The following HIPK2 variants were observed in gnomAD, a reference collection of about 807,000 sequenced individuals.
HIPK2 encodes the protein homeodomain-interacting protein kinase 2.
In HIPK2, 27 loss-of-function variants were observed where a neutral mutation model predicts 113.7. The observed-to-expected ratio is 0.24, with a 90% CI of 0.17 to 0.33. The LOEUF (loss-of-function observed/expected upper bound fraction) is 0.33. HIPK2 is among the 10% of genes least tolerant of loss of function. HIPK2 has a pLI of 1.00. For synonymous variants in HIPK2, 631 were observed against 642.2 expected, an observed-to-expected ratio of 0.98 and a Z score of 0.26; for missense variants, 1,257 against 1,588.0, an observed-to-expected ratio of 0.79 and a Z score of 3.54.
chr7:139,694,072 ATCATC>A, intron 2 of HIPK2, among the ~76,000 whole-genome samples: 1 of 152,222 alleles, frequency 6.6e-6, no homozygotes, highest in East Asian at 1.9e-4. Flanking sequence ...TATTCAATAA[ATCATC>A]AAGAAAGGTT....
In HIPK2 at chr7:139,670,744, TTTCTTTCTTTC is replaced by T. The variant is rs746924980; in HGVS notation, c.1104-39030_1104-39020del. ...TATTTCTTTTTCTTTTCTTTCTTTC[TTTCTTTCTTTC>T]TTTCTTTTTTTTTTTTTTTTTTTTT... is the stretch of plus-strand genomic sequence containing the variant. On this transcript the variant is annotated intron_variant, in intron 2 of 14. Coordinates refer to ENST00000406875, the MANE Select transcript of HIPK2 (RefSeq NM_022740.5). Among the ~76,000 whole-genome samples the T allele has an allele frequency of 3.3e-3, 243 of 73,826 alleles. 5 individuals carry two copies. Among genetic ancestry groups the T allele is most frequent in the East Asian group, 0.013 (24 of 1,880 alleles). 48.4% of individuals were successfully genotyped at this position (73,826 alleles called of 152,430 possible).
intron 2 of HIPK2, among the ~76,000 whole-genome samples, chr7:139,671,606 C>CA (rs1347224330): frequency 2.0e-5 from 3 of 152,118 alleles, no homozygotes; most frequent in African/African-American, 7.2e-5. Flanking sequence ...GGCTAGAGTG[C>CA]AATGGCATGA....
At chr7:139,723,990 T>C (rs928675364) in intron 1 of HIPK2, among the ~76,000 whole-genome samples, 1 of 151,518 alleles carries the variant, frequency 6.6e-6, no homozygotes, top group Non-Finnish European at 1.5e-5. Context: ...GAGTACTTAA[T>C]AGATGCTACA....
intron 1 of HIPK2, among the ~76,000 whole-genome samples, chr7:139,775,419 C>T (rs1585473753): frequency 6.6e-6 from 1 of 152,262 alleles, no homozygotes; most frequent in Non-Finnish European, 1.5e-5. Context: ...TTCAAAAACA[C>T]CCAGATCTGG....
At chr7:139,648,126 G>A (rs966219850) in intron 2 of HIPK2, among the ~76,000 whole-genome samples, 3 of 152,232 alleles carry the variant, frequency 2.0e-5, no homozygotes, top group African/African-American at 4.8e-5. Context: ...CCCCCAGTCT[G>A]AAAGGCTCTG....
At chr7:139,762,482 C>A (rs896762341) in intron 1 of HIPK2, among the ~76,000 whole-genome samples, 5 of 152,204 alleles carry the variant, frequency 3.3e-5, no homozygotes, top group Non-Finnish European at 7.3e-5. Context: ...ACTCAAGTCC[C>A]AGGGAGAAAA....
At position 139,613,159 on chromosome 7, in the gene HIPK2, C is replaced by G; in HGVS notation, c.2112+43G>C. Reference sequence around the variant, plus strand: ...ATATCTTTTGTGAACAACATTAACACAGGTAATGGTAATACCAGTAATAAT... The same window carrying G: ...ATATCTTTTGTGAACAACATTAACAGAGGTAATGGTAATACCAGTAATAAT... On this transcript the variant is annotated intron_variant, in intron 9 of 14. Transcript: ENST00000406875. The surrounding 1 kb of genome is among the most constrained non-coding windows in gnomAD (Gnocchi z 4.2). 6.2e-7 allele frequency: 1 copy of G among 1,609,532 alleles called. No individual in the cohort carries two copies. Among genetic ancestry groups the G allele is most frequent in the Non-Finnish European group, 8.5e-7 (1 of 1,177,438 alleles).
rs185926912 is a variant in HIPK2 at position 139,717,477 on chromosome 7, G to A, written c.20-462C>T. Among the ~76,000 whole-genome samples, 163 of 152,242 alleles carry A rather than the reference G, an allele frequency of 1.1e-3. 2 individuals are homozygous for A. In the East Asian group the frequency reaches 0.023, roughly 22 times the overall value. ...TTTGAGAAAACATCTTCCCACACAG[G>A]CCCCATCACCAGGCCACTCAGGATC... On this transcript the variant is annotated intron_variant, in intron 1 of 14. Coordinates refer to ENST00000406875, the MANE Select transcript of HIPK2 (RefSeq NM_022740.5).
intron 2 of HIPK2, among the ~76,000 whole-genome samples, chr7:139,669,895 C>T (rs2116625342): frequency 6.6e-6 from 1 of 152,218 alleles, no homozygotes; most frequent in Admixed American, 6.5e-5. Flanking sequence ...CTAGAGTACC[C>T]ATGGATGAAT....
chr7:139,712,557 T>C (rs1358496039), intron 2 of HIPK2, among the ~76,000 whole-genome samples: 1 of 152,234 alleles, frequency 6.6e-6, no homozygotes, highest in Non-Finnish European at 1.5e-5. Context: ...GGAGGCTGGA[T>C]GCACAGCATG....
At chr7:139,620,600 AG>A (rs1289555730) in intron 6 of HIPK2, 37 bp from the exon 7 acceptor site, 3 of 1,608,484 alleles carry the variant, frequency 1.9e-6, no homozygotes, top group African/African-American at 1.3e-5. Context: ...TTGAGACATA[AG>A]GGGAGGGGAA....
At chr7:139,644,152 T>A (rs1212069615) in intron 2 of HIPK2, among the ~76,000 whole-genome samples, 1 of 152,264 alleles carries the variant, frequency 6.6e-6, no homozygotes, top group Non-Finnish European at 1.5e-5. Flanking sequence ...CTCCAGGCTC[T>A]TTTTAAATGT....
At chr7:139,707,041 A>G (rs1281639504) in intron 2 of HIPK2, among the ~76,000 whole-genome samples, 2 of 152,170 alleles carry the variant, frequency 1.3e-5, no homozygotes, top group African/African-American at 4.8e-5. Context: ...AACCCCTGCG[A>G]CCAGAGCCCC....
intron 2 of HIPK2, among the ~76,000 whole-genome samples, chr7:139,638,370 C>T (rs1800882777): frequency 6.6e-6 from 1 of 152,178 alleles, no homozygotes; most frequent in Non-Finnish European, 1.5e-5. Flanking sequence ...CAAACAGACA[C>T]TGCCCACTGT....
chr7:139,711,642 TTG>T (rs772758545), intron 2 of HIPK2, among the ~76,000 whole-genome samples: 1 of 152,166 alleles, frequency 6.6e-6, no homozygotes, highest in Non-Finnish European at 1.5e-5. Flanking sequence ...GTCTTTTTGT[TTG>T]TGTTTTTTTC....
chr7:139,647,979 T>C (rs549945382), intron 2 of HIPK2, among the ~76,000 whole-genome samples: 13 of 152,236 alleles, frequency 8.5e-5, no homozygotes, highest in Admixed American at 7.2e-4. Flanking sequence ...CCCCAAGAGA[T>C]CAAAAGTTCC....
intron 2 of HIPK2, among the ~76,000 whole-genome samples, chr7:139,650,501 C>T (rs1243439098): frequency 2.7e-5 from 4 of 150,604 alleles, no homozygotes; most frequent in African/African-American, 4.9e-5. Flanking sequence ...CAGGGTTGGA[C>T]CATTTGTTCA....
At chr7:139,685,062 C>T (rs1263635646) in intron 2 of HIPK2, among the ~76,000 whole-genome samples, 1 of 152,182 alleles carries the variant, frequency 6.6e-6, no homozygotes, top group Non-Finnish European at 1.5e-5. Flanking sequence ...AAGCCATCTC[C>T]ATAACATAAA....
intron 6 of HIPK2, among the ~76,000 whole-genome samples, chr7:139,625,597 C>T (rs987144619): frequency 6.6e-6 from 1 of 152,196 alleles, no homozygotes; most frequent in Non-Finnish European, 1.5e-5. Context: ...CCTGTCCATA[C>T]AGGCAATGCC....
Sources: allele counts gnomAD v4.1 joint callset (sites outside exome capture counted in the v4.1 genomes callset), GRCh38; gene constraint gnomAD v4.1.1; non-coding constraint Gnocchi (gnomAD v3.1); transcripts MANE v1.5; gene names NCBI Gene and HGNC (gene_info 2026-07-23, HGNC 2026-07-21).